Variants in ZNF385D observed in about 807,000 individuals in gnomAD.
ZNF385D encodes zinc finger protein 385D.
ZNF385D carries 15 observed loss-of-function variants against 35.8 expected under a neutral mutation model. The ratio of observed to expected loss-of-function variants is 0.42; its 90% CI spans 0.28 to 0.64. The LOEUF is 0.64. ZNF385D is among the 30% of genes least tolerant of loss of function. The pLI, the probability that ZNF385D is intolerant of heterozygous loss-of-function variation, is 0.23. For synonymous variants in ZNF385D, 212 were observed against 186.8 expected (o/e 1.13, Z -1.10); for missense variants, 474 against 494.6 (o/e 0.96, Z 0.39).
intron 2 of ZNF385D, among the ~76,000 whole-genome samples, chr3:21,578,340 C>T (rs560418273): frequency 1.3e-5 from 2 of 152,104 alleles, no homozygotes; most frequent in South Asian, 4.2e-4. Context: ...AGTATAATCC[C>T]ATTTCTTTAT....
At position 21,677,602 on chromosome 3, in the gene ZNF385D, T is replaced by C. The variant is rs2066769118; in HGVS notation, c.23-12574A>G. 2.6e-5 allele frequency among the ~76,000 whole-genome samples: 4 copies of C among 152,188 alleles called. No individual in the cohort carries two copies. In the East Asian group the frequency reaches 7.7e-4, roughly 29 times the overall value. On this transcript the variant is annotated intron_variant, in intron 1 of 7. Transcript: ENST00000281523. The stretch of plus-strand genomic sequence containing the variant: ...ATAAATTTCTAAGAGAGAAATTTAA[T>C]TTAACAATTAGAGTAAAATATTCTG...
At chr3:21,695,834 G>A (rs1022648786) in intron 1 of ZNF385D, among the ~76,000 whole-genome samples, 4 of 151,612 alleles carry the variant, frequency 2.6e-5, no homozygotes, top group African/African-American at 9.7e-5. Flanking sequence ...TTTAATTGCT[G>A]CTACCTGTTG....
chr3:22,183,253 TTAAAA>T (rs1695403206), intron 2 of ZNF385D, among the ~76,000 whole-genome samples: 1 of 152,196 alleles, frequency 6.6e-6, no homozygotes, highest in South Asian at 2.1e-4. Context: ...ACTCGGGTAG[TTAAAA>T]TTAAATTATC....
intron 1 of ZNF385D, among the ~76,000 whole-genome samples, chr3:21,729,026 T>C (rs1196399237): frequency 6.6e-6 from 1 of 152,190 alleles, no homozygotes; most frequent in African/African-American, 2.4e-5. Flanking sequence ...GTGAAATATT[T>C]AAATGTCTTC....
chr3:21,803,883 A>T (rs1311090940), intron 3 of ZNF385D, among the ~76,000 whole-genome samples: 1 of 152,208 alleles, frequency 6.6e-6, no homozygotes, highest in Non-Finnish European at 1.5e-5. Context: ...ATCATTGCTC[A>T]TTTTGGAACT....
chr3:22,204,680 G>C (rs1697027164), intron 2 of ZNF385D, among the ~76,000 whole-genome samples: 1 of 151,864 alleles, frequency 6.6e-6, no homozygotes, highest in Non-Finnish European at 1.5e-5. Context: ...TAAGTAAAAA[G>C]AATCAAGCAG....
At chr3:22,050,548 T>C (rs1390781032) in intron 3 of ZNF385D, among the ~76,000 whole-genome samples, 1 of 152,232 alleles carries the variant, frequency 6.6e-6, no homozygotes, top group Non-Finnish European at 1.5e-5. Context: ...AGATTTTCTA[T>C]TTCTTCATGA....
intron 2 of ZNF385D, among the ~76,000 whole-genome samples, chr3:22,370,184 G>T (rs1267424913): frequency 6.6e-6 from 1 of 152,138 alleles, no homozygotes; most frequent in Admixed American, 6.5e-5. Flanking sequence ...AATCCTGTCA[G>T]GATCTGAGCT....
chr3:21,437,224 A>C (rs754576205), intron 4 of ZNF385D, 21 bp from the exon 5 acceptor site: 5 of 1,586,604 alleles, frequency 3.2e-6, no homozygotes, highest in Non-Finnish European at 3.4e-6. Flanking sequence ...AATAACACAG[A>C]AAAAAGGGGG....
intron 3 of ZNF385D, among the ~76,000 whole-genome samples, chr3:22,150,124 G>C (rs1039847033): frequency 6.6e-6 from 1 of 152,038 alleles, no homozygotes; most frequent in Non-Finnish European, 1.5e-5. Context: ...AAATAAACAA[G>C]GCAAATAAGA....
intron 3 of ZNF385D, among the ~76,000 whole-genome samples, chr3:21,882,454 C>G (rs1247720075): frequency 6.6e-6 from 1 of 151,876 alleles, no homozygotes; most frequent in Non-Finnish European, 1.5e-5. Flanking sequence ...GATGCTATTG[C>G]AAACTTAATA....
At chr3:22,059,488 G>A (rs73137202) in intron 3 of ZNF385D, among the ~76,000 whole-genome samples, 365 of 152,288 alleles carry the variant, frequency 2.4e-3, no homozygotes, top group African/African-American at 8.5e-3. Context: ...AATAAGATAA[G>A]CGATGAGTGA....
chr3:22,261,550 C>T (rs114313369), intron 2 of ZNF385D, among the ~76,000 whole-genome samples: 30 of 152,076 alleles, frequency 2.0e-4, no homozygotes, highest in African/African-American at 3.9e-4. Flanking sequence ...ACTCTCCATC[C>T]GTCCCTATCC....
intron 2 of ZNF385D, among the ~76,000 whole-genome samples, chr3:21,587,743 G>C (rs1409143858): frequency 6.6e-6 from 1 of 152,068 alleles, no homozygotes; most frequent in Non-Finnish European, 1.5e-5. Flanking sequence ...AGTAACGTTA[G>C]AAGAAACAGG....
intron 3 of ZNF385D, among the ~76,000 whole-genome samples, chr3:21,954,627 T>C (rs997819019): frequency 6.6e-5 from 10 of 152,110 alleles, no homozygotes; most frequent in African/African-American, 2.4e-4. Context: ...AGTTATATCC[T>C]AACAACTCAG....
chr3:21,707,504 G>A (rs952862699), intron 1 of ZNF385D, among the ~76,000 whole-genome samples: 1 of 152,186 alleles, frequency 6.6e-6, no homozygotes, highest in Non-Finnish European at 1.5e-5. Context: ...TAATGACATT[G>A]TGAGTGCTTC....
intron 3 of ZNF385D, among the ~76,000 whole-genome samples, chr3:22,090,904 C>T (rs1330734208): frequency 6.6e-6 from 1 of 152,020 alleles, no homozygotes; most frequent in Non-Finnish European, 1.5e-5. Flanking sequence ...GGTCTTATGA[C>T]CCAAACTAAC....
chr3:22,036,709 G>GT lies in ZNF385D; in HGVS notation c.325+132107dup, dbSNP rs769311209. 6.9e-3 allele frequency among the ~76,000 whole-genome samples: 923 copies of GT among 133,766 alleles called. 3 individuals carry two copies. The highest frequency in any genetic ancestry group is 0.023 in the Middle Eastern group (6 of 256). 87.8% of individuals were successfully genotyped at this position (133,766 alleles called of 152,430 possible). A position where few individuals can be genotyped will look rare whatever the true frequency, so the allele number is the denominator to read the frequency against. ...CGAGAAAGAAGAGTAGCCCTACTAG[G>GT]TTTTTTTTTTTTTTTTTTATACTCT... is the stretch of plus-strand genomic sequence containing the variant. On this transcript the variant is annotated intron_variant, in intron 3 of 5. Transcript: ENST00000494108.
chr3:21,453,984 G>GTA (rs1205722781), intron 4 of ZNF385D, among the ~76,000 whole-genome samples: 22 of 151,994 alleles, frequency 1.4e-4, no homozygotes, highest in African/African-American at 5.3e-4. Flanking sequence ...ATAAAATGTA[G>GTA]TATTTCTATA....
Sources: allele counts gnomAD v4.1 joint callset (sites outside exome capture counted in the v4.1 genomes callset), GRCh38; gene constraint gnomAD v4.1.1; transcripts MANE v1.5; gene names NCBI Gene and HGNC (gene_info 2026-07-23, HGNC 2026-07-21).